The following NDUFA10 variants were observed in gnomAD, a reference collection of about 807,000 sequenced individuals.
The protein encoded by NDUFA10 is NADH:ubiquinone oxidoreductase subunit A10, also known as NADH dehydrogenase [ubiquinone] 1 alpha subcomplex subunit 10, mitochondrial.
A neutral mutation model predicts 47.8 loss-of-function variants in NDUFA10; 40 were observed. The ratio of observed to expected loss-of-function variants is 0.84; its 90% CI spans 0.65 to 1.09. The LOEUF is 1.09. Among genes scored for constraint, NDUFA10 ranks in the 50% least tolerant of loss-of-function variants. The pLI is 0.00. For missense variants in NDUFA10, 413 were observed against 451.1 expected, an observed-to-expected ratio of 0.92 and a Z score of 0.76; for synonymous variants, 183 against 172.2, an observed-to-expected ratio of 1.06 and a Z score of -0.49.
At chr2:240,017,836 T>G in intron 4 of NDUFA10, 1 of 1,565,316 alleles carries the variant, frequency 6.4e-7, no homozygotes, top group Non-Finnish European at 8.7e-7. Context: ...CGGCCTCCTC[T>G]TTCATTAATC....
chr2:239,965,150 T>C (rs1015822448), intron 9 of NDUFA10, among the ~76,000 whole-genome samples: 3 of 152,120 alleles, frequency 2.0e-5, no homozygotes, highest in African/African-American at 7.2e-5. Flanking sequence ...ACTAGCAGAA[T>C]ACCAAACCTG....
At chr2:239,955,633 C>G (rs115840355), downstream of NDUFA10, among the ~76,000 whole-genome samples, 2,459 of 152,280 alleles carry the variant, frequency 0.016, 58 homozygotes, top group African/African-American at 0.056. Flanking sequence ...GAAGTGGCCT[C>G]TGTGTGTGGG....
chr2:239,954,883 G>C (rs75362875), downstream of NDUFA10, among the ~76,000 whole-genome samples: 5 of 152,222 alleles, frequency 3.3e-5, no homozygotes, highest in African/African-American at 1.2e-4. Context: ...GCGTTCTCAC[G>C]GCTGCTGCAC....
At position 240,007,698 on chromosome 2, in the gene NDUFA10, T is replaced by C. The variant is rs3792088; in HGVS notation, c.750-328A>G. On this transcript the variant is annotated intron_variant, in intron 6 of 9. Coordinates refer to ENST00000252711, the MANE Select transcript of NDUFA10 (RefSeq NM_004544.4). ...CCACAGGAGCAAGGTACATGAGCCA[T>C]GTCAGCAGCTGCACATACCATCGCC... 2.6e-4 allele frequency among the ~76,000 whole-genome samples: 39 copies of C among 152,330 alleles called. No homozygotes were observed. In the East Asian group the frequency reaches 6.8e-3, roughly 26 times the overall value.
chr2:239,950,162 A>C (rs867284960), intron 4 of NDUFA10, among the ~76,000 whole-genome samples: 2 of 152,198 alleles, frequency 1.3e-5, no homozygotes, highest in African/African-American at 4.8e-5. Flanking sequence ...CAGTCCTTAT[A>C]GCCCCTCCGC....
chr2:240,018,343 C>A, intron 4 of NDUFA10: 1 of 1,422,222 alleles, frequency 7.0e-7, no homozygotes, highest in Admixed American at 2.0e-5. Flanking sequence ...CACAGGGAGA[C>A]ATGACAGCAC....
At chr2:239,943,298 T>C (rs1415786292) in intron 4 of NDUFA10, among the ~76,000 whole-genome samples, 1 of 152,250 alleles carries the variant, frequency 6.6e-6, no homozygotes, top group Non-Finnish European at 1.5e-5. Context: ...TGCTCTACTC[T>C]GAAATCTTTT....
intron 4 of NDUFA10, among the ~76,000 whole-genome samples, chr2:239,925,851 A>G (rs1202674828): frequency 6.6e-6 from 1 of 152,244 alleles, no homozygotes; most frequent in African/African-American, 2.4e-5. Context: ...TGCAAAAGAC[A>G]TGAACAGATA....
chr2:239,896,629 A>C (rs1429137260), intron 4 of NDUFA10, among the ~76,000 whole-genome samples: 1 of 152,230 alleles, frequency 6.6e-6, no homozygotes, highest in Non-Finnish European at 1.5e-5. Context: ...CTGTAAAAAC[A>C]CATTTCTGGA....
chr2:239,983,549 T>TG (rs1695874231), intron 9 of NDUFA10: 1 of 1,601,532 alleles, frequency 6.2e-7, no homozygotes, highest in African/African-American at 1.3e-5. Context: ...GTGGTGTGCA[T>TG]GGGGCTTTCT....
intron 8 of NDUFA10, among the ~76,000 whole-genome samples, chr2:240,003,764 G>A (rs1031524386): frequency 1.3e-5 from 2 of 152,180 alleles, no homozygotes; most frequent in African/African-American, 4.8e-5. Context: ...ACTGGGCGTT[G>A]CAGTGATGAG....
In NDUFA10 at chr2:239,960,388, T is replaced by C. The variant is rs1574811291; in HGVS notation, c.*730A>G. The C allele has an allele frequency of 3.0e-6, 3 of 985,978 alleles. No homozygotes were observed. Among genetic ancestry groups the C allele is most frequent in the Admixed American group, 1.2e-4 (2 of 16,366 alleles). The allele number at this position is 985,978 out of a possible 1,614,324, so 61.1% of individuals were successfully genotyped here. ...TTTCTGGGTAATAAAGAGAGTATAT[T>C]ATTTTGCTTTTGCATCTTATGTCAT... On this transcript the variant is annotated 3_prime_UTR_variant, in exon 10 of 10. Coordinates refer to ENST00000252711, the MANE Select transcript of NDUFA10 (RefSeq NM_004544.4).
At chr2:239,935,097 C>A (rs1053193236) in intron 4 of NDUFA10, among the ~76,000 whole-genome samples, 2 of 152,194 alleles carry the variant, frequency 1.3e-5, no homozygotes, top group African/African-American at 2.4e-5. Context: ...CGAAATAGCA[C>A]CTGCCATGTC....
intron 4 of NDUFA10, among the ~76,000 whole-genome samples, chr2:239,938,843 G>A (rs1208998760): frequency 6.7e-6 from 1 of 149,006 alleles, no homozygotes; most frequent in African/African-American, 2.5e-5. Context: ...GCGAGCATCG[G>A]TGCACAAGTG....
chr2:239,924,367 T>G (rs1252278110), intron 4 of NDUFA10, among the ~76,000 whole-genome samples: 1 of 152,152 alleles, frequency 6.6e-6, no homozygotes, highest in Non-Finnish European at 1.5e-5. Flanking sequence ...TGGGTTTTAT[T>G]GCAGGAATGC....
chr2:240,006,956 T>C lies in NDUFA10; in HGVS notation c.804+360A>G, dbSNP rs142704111. Among the ~76,000 whole-genome samples, 80 of 152,398 alleles carry C rather than the reference T, an allele frequency of 5.2e-4. No homozygotes were observed. The East Asian group carries it at 0.014, about 27-fold the overall frequency. ...GTTCCCTGAAAACTACACCAAGATTTACTAGACTTTCACAAAACACACGAA... is the reference window on the plus strand; with the variant it reads ...GTTCCCTGAAAACTACACCAAGATTCACTAGACTTTCACAAAACACACGAA... On this transcript the variant is annotated intron_variant, in intron 7 of 9. Coordinates refer to ENST00000252711, the MANE Select transcript of NDUFA10 (RefSeq NM_004544.4).
chr2:239,896,093 G>C (rs1366022593), intron 4 of NDUFA10, among the ~76,000 whole-genome samples: 1 of 152,252 alleles, frequency 6.6e-6, no homozygotes, highest in African/African-American at 2.4e-5. Flanking sequence ...CACAGACTCA[G>C]TGGCAAACAC....
intron 9 of NDUFA10, among the ~76,000 whole-genome samples, chr2:239,971,585 C>T (rs1695307088): frequency 6.6e-6 from 1 of 152,176 alleles, no homozygotes; most frequent in Non-Finnish European, 1.5e-5. Flanking sequence ...GTGTTATTTC[C>T]TGTGACCCTG....
chr2:239,980,413 G>T (rs973952304), intron 9 of NDUFA10, among the ~76,000 whole-genome samples: 3 of 152,202 alleles, frequency 2.0e-5, no homozygotes, highest in African/African-American at 7.2e-5. Flanking sequence ...TAAAAGGCAA[G>T]AATTCTTTGA....
Sources: allele counts gnomAD v4.1 joint callset (sites outside exome capture counted in the v4.1 genomes callset), GRCh38; gene constraint gnomAD v4.1.1; transcripts MANE v1.5; gene names NCBI Gene and HGNC (gene_info 2026-07-23, HGNC 2026-07-21).